The following NLN variants were observed in gnomAD, a reference collection of about 807,000 sequenced individuals.
NLN encodes the protein neurolysin, mitochondrial.
In NLN, 64 loss-of-function variants were observed where a neutral mutation model predicts 79.9. That is an observed-to-expected ratio of 0.80 (90% confidence interval 0.65 to 0.99). The LOEUF (loss-of-function observed/expected upper bound fraction) is 0.99, where lower values mean the gene tolerates loss of function less well. Ranked by LOEUF, NLN falls within the 50% of genes least tolerant of loss-of-function variation. The pLI, the probability that NLN is intolerant of heterozygous loss-of-function variation, is 0.00. For missense variants in NLN, 835 were observed against 858.7 expected (o/e 0.97, Z 0.34); for synonymous variants, 267 against 296.6 (o/e 0.90, Z 1.02).
intron 1 of NLN, among the ~76,000 whole-genome samples, chr5:65,757,208 T>A (rs2150745294): frequency 6.6e-6 from 1 of 152,314 alleles, no homozygotes; most frequent in Admixed American, 6.5e-5. Context: ...AGTCACTTAG[T>A]CTTTCTGAGG....
chr5:65,789,159 C>G (rs770758914), intron 8 of NLN, among the ~76,000 whole-genome samples: 4 of 152,126 alleles, frequency 2.6e-5, no homozygotes, highest in African/African-American at 9.7e-5. Flanking sequence ...AAAAAAGACT[C>G]TACTCTTCCA....
intron 3 of NLN, among the ~76,000 whole-genome samples, chr5:65,773,603 CAA>C (rs1425348860): frequency 6.6e-6 from 1 of 151,954 alleles, no homozygotes; most frequent in Non-Finnish European, 1.5e-5. Flanking sequence ...AAGAAAAAGA[CAA>C]AGTCATGAGA....
chr5:65,753,729 G>A (rs77117246), intron 1 of NLN, among the ~76,000 whole-genome samples: 2 of 151,832 alleles, frequency 1.3e-5, no homozygotes, highest in African/African-American at 2.4e-5. Context: ...AAGAGGAGTG[G>A]TGAAAAGAAC....
intron 9 of NLN, among the ~76,000 whole-genome samples, chr5:65,806,713 A>AT (rs1216104651): frequency 6.6e-6 from 1 of 152,240 alleles, no homozygotes; most frequent in Non-Finnish European, 1.5e-5. Flanking sequence ...AGAATATTAC[A>AT]TAAACTTAGT....
intron 1 of NLN, among the ~76,000 whole-genome samples, chr5:65,743,572 G>A (rs2548775): frequency 0.21 from 32,029 of 152,066 alleles, 3,510 homozygotes; most frequent in Non-Finnish European, 0.24. Flanking sequence ...TATACAAACA[G>A]TATGAAAGAG....
Position 65,781,422 on chromosome 5 carries a change from G to A in NLN, c.822+1G>A. ...GGCTTTTAATACAAGGTGCAAAGAG[G>A]TATTATAAATGTTTGTCTTTCTTTT... On this transcript the variant is annotated splice_donor_variant, in intron 6 of 12. Coordinates refer to ENST00000380985, the MANE Select transcript of NLN (RefSeq NM_020726.5). LOFTEE classifies it high-confidence loss of function. 1 of 1,590,762 alleles carries A rather than the reference G, an allele frequency of 6.3e-7. No individual in the cohort carries two copies. The highest frequency in any genetic ancestry group is 8.6e-7 in the Non-Finnish European group (1 of 1,163,884).
intron 1 of NLN, chr5:65,722,959 T>G (rs73099352): frequency 6.6e-6 from 1 of 152,626 alleles, no homozygotes; most frequent in Non-Finnish European, 1.5e-5. Context: ...CCGGTGCAAA[T>G]TGACTTGGCC....
intron 3 of NLN, among the ~76,000 whole-genome samples, chr5:65,771,254 G>A (rs1458481589): frequency 6.6e-6 from 1 of 152,198 alleles, no homozygotes; most frequent in African/African-American, 2.4e-5. Context: ...TCAGAAGCCA[G>A]CAATTATGGC....
At chr5:65,746,373 C>G (rs1758978938) in intron 1 of NLN, among the ~76,000 whole-genome samples, 1 of 152,122 alleles carries the variant, frequency 6.6e-6, no homozygotes. Context: ...GTGGAAAACA[C>G]TGTCATGTAT....
intron 8 of NLN, among the ~76,000 whole-genome samples, chr5:65,789,366 A>G (rs1341769833): frequency 6.6e-6 from 1 of 152,262 alleles, no homozygotes; most frequent in Non-Finnish European, 1.5e-5. Context: ...AATTGGTTGA[A>G]TACATGCAAA....
intron 4 of NLN, among the ~76,000 whole-genome samples, chr5:65,778,778 C>A (rs1213632663): frequency 6.6e-6 from 1 of 152,098 alleles, no homozygotes; most frequent in Non-Finnish European, 1.5e-5. Flanking sequence ...AGGGTGGCTT[C>A]CTTTCATTCC....
At chr5:65,738,983 T>C (rs1482552733) in intron 1 of NLN, among the ~76,000 whole-genome samples, 54 of 3,186 alleles carry the variant, frequency 0.017, 2 homozygotes, top group Non-Finnish European at 0.018. Context: ...ATATATATTA[T>C]ATATTTATAT....
chr5:65,753,236 G>A (rs946470888), intron 1 of NLN, among the ~76,000 whole-genome samples: 1 of 152,146 alleles, frequency 6.6e-6, no homozygotes, highest in Non-Finnish European at 1.5e-5. Context: ...AACAAAATAA[G>A]ACTTAACAAA....
At chr5:65,748,091 C>T (rs1229331923) in intron 1 of NLN, among the ~76,000 whole-genome samples, 2 of 152,150 alleles carry the variant, frequency 1.3e-5, no homozygotes, top group East Asian at 3.9e-4. Context: ...ATCCCAGCTA[C>T]TTGGGAGGCT....
chr5:65,818,996 G>A (rs1273312534), intron 12 of NLN: 1 of 152,138 alleles, frequency 6.6e-6, no homozygotes, highest in African/African-American at 2.4e-5. Context: ...AATTATTATT[G>A]CTATTAAAAT....
In NLN at chr5:65,734,763, C is replaced by T. The variant is rs528621150; in HGVS notation, c.41+12349C>T. On this transcript the variant is annotated intron_variant, in intron 1 of 12. Transcript: ENST00000380985. ...TGAAATAATCACAGGTTGATGAAGC[C>T]TGCTTGCTACAATGTATAAGGTCCA... is the stretch of plus-strand genomic sequence containing the variant. 6.6e-5 allele frequency among the ~76,000 whole-genome samples: 10 copies of T among 152,258 alleles called. No individual in the cohort carries two copies. In the East Asian group the frequency reaches 1.9e-3, roughly 29 times the overall value.
chr5:65,818,623 A>G (rs1253865451), intron 12 of NLN: 2 of 152,234 alleles, frequency 1.3e-5, no homozygotes, highest in African/African-American at 2.4e-5. Flanking sequence ...TGTCCATTCA[A>G]GATCTCCCCA....
At chr5:65,767,086 C>A (rs1464241238) in intron 3 of NLN, among the ~76,000 whole-genome samples, 1 of 152,208 alleles carries the variant, frequency 6.6e-6, no homozygotes, top group Non-Finnish European at 1.5e-5. Flanking sequence ...ATCTACCATT[C>A]TGGAGTCTGG....
At chr5:65,766,688 C>A (rs916415794) in intron 3 of NLN, among the ~76,000 whole-genome samples, 1 of 152,142 alleles carries the variant, frequency 6.6e-6, no homozygotes, top group African/African-American at 2.4e-5. Context: ...CTCAAAAGTC[C>A]AAGTCCAAAG....
Sources: allele counts gnomAD v4.1 joint callset (sites outside exome capture counted in the v4.1 genomes callset), GRCh38; gene constraint gnomAD v4.1.1; transcripts MANE v1.5; gene names NCBI Gene and HGNC (gene_info 2026-07-23, HGNC 2026-07-21).